Variants in SMARCA4 observed in about 807,000 individuals in gnomAD.
SMARCA4 encodes SWI/SNF-related matrix-associated actin-dependent regulator of chromatin subfamily A member 4.
Under a neutral mutation model 193.9 loss-of-function variants are expected in SMARCA4, and 31 were observed. That is an observed-to-expected ratio of 0.16 (90% CI 0.12 to 0.22). SMARCA4 has a LOEUF of 0.22. SMARCA4 is among the 10% of genes least tolerant of loss of function. The pLI is 1.00. For synonymous variants in SMARCA4, 942 were observed against 933.1 expected (o/e 1.01, Z -0.17); for missense variants, 1,148 against 2,296.0 (o/e 0.50, Z 10.22).
intron 13 of SMARCA4, 119 bp from the exon 14 acceptor site, chr19:11,007,783 G>A: frequency 1.1e-6 from 1 of 925,424 alleles, no homozygotes; most frequent in Admixed American, 1.7e-5. Flanking sequence ...TTCCAGGATA[G>A]GTAGAGGGGG....
rs1864896196 is a variant in SMARCA4 at position 11,003,020 on chromosome 19, CTTT to C, written c.1813-6_1813-4del. On this transcript the variant is annotated splice_region_variant and splice_polypyrimidine_tract_variant and intron_variant, in intron 11 of 34. Coordinates refer to ENST00000344626, the MANE Select transcript of SMARCA4 (RefSeq NM_003072.5). ...CAACCTCAGTGTCACACGAATGACT[CTTT>C]TTCAGCCTCTGGACGAGACCAGCCA... 2 of 1,613,904 alleles carry C rather than the reference CTTT, an allele frequency of 1.2e-6. No homozygotes were observed. The highest frequency in any genetic ancestry group is 1.3e-5 in the African/African-American group (1 of 74,906).
At chr19:10,976,464 C>T (rs998909459) in intron 1 of SMARCA4, among the ~76,000 whole-genome samples, 1 of 152,072 alleles carries the variant, frequency 6.6e-6, no homozygotes, top group African/African-American at 2.4e-5. Flanking sequence ...GGGTCAGGCA[C>T]TGTGGCTTGG....
chr19:10,982,115 G>A (rs1262085898), intron 1 of SMARCA4, among the ~76,000 whole-genome samples: 5 of 152,202 alleles, frequency 3.3e-5, no homozygotes, highest in Non-Finnish European at 7.4e-5. Context: ...AAGGCGGGTG[G>A]ATCACCTGAA....
At chr19:10,977,326 T>C (rs2085220482) in intron 1 of SMARCA4, among the ~76,000 whole-genome samples, 1 of 151,994 alleles carries the variant, frequency 6.6e-6, no homozygotes, top group Non-Finnish European at 1.5e-5. Flanking sequence ...TTTTTTGTTT[T>C]GTTTTTGTTT....
intron 16 of SMARCA4, 126 bp downstream of exon 16, chr19:11,013,238 G>T (rs905193314): frequency 1.0e-5 from 11 of 1,066,618 alleles, no homozygotes; most frequent in Non-Finnish European, 1.4e-5. Flanking sequence ...TTTCCTGGAG[G>T]CCAGAAGTCC....
rs759719942 is a variant in SMARCA4, at chr19:11,027,754, G to GCC, written c.3216-29_3216-28dup. 3.1e-6 allele frequency: 5 copies of GCC among 1,613,420 alleles called. No homozygotes were observed. The South Asian group carries it at 4.4e-5, about 14-fold the overall frequency. ...CAGGGTTCCAGGTTTAACATCCTGC[G>GCC]CCTTCTCTCCTGCCTCCTCCACACT... On this transcript the variant is annotated intron_variant, in intron 23 of 34. Coordinates refer to ENST00000344626, the MANE Select transcript of SMARCA4 (RefSeq NM_003072.5).
Position 11,003,145 on chromosome 19 carries a change from C to G in SMARCA4, c.1929C>G (p.Leu643=), listed in dbSNP as rs1415322316. The change falls in exon 12 of 35, where the codon CTC becomes CTG. Residue 643 remains leucine, a synonymous_variant. Transcript: ENST00000344626. ...APKAGQLEAW[L]EMNPGYEVAP... ...AAGCCGGGCAGCTGGAGGCCTGGCT[C>G]GAGATGAACCCGGGGTGAGTTGGGC... 6.2e-7 allele frequency: 1 copy of G among 1,614,072 alleles called. No individual in the cohort carries two copies. The highest frequency in any genetic ancestry group is 8.5e-7 in the Non-Finnish European group (1 of 1,180,022).
At chr19:11,061,333 C>T (rs1252682183) in intron 34 of SMARCA4, among the ~76,000 whole-genome samples, 1 of 148,812 alleles carries the variant, frequency 6.7e-6, no homozygotes, top group East Asian at 2.0e-4. Context: ...TGACATGGGA[C>T]AGAGCAGGGA....
Position 11,021,804 on chromosome 19 carries a change from C to A in SMARCA4, c.2696C>A (p.Thr899Lys). 1 of 1,613,774 alleles carries A rather than the reference C, an allele frequency of 6.2e-7. No individual in the cohort carries two copies. Among genetic ancestry groups the A allele is most frequent in the Non-Finnish European group, 8.5e-7 (1 of 1,180,016 alleles). Residue 899 changes from threonine (T) to lysine (K), a missense_variant, in exon 19 of 35, where the codon ACG becomes AAG. Around this residue, in one of 17 missense-constraint regions of SMARCA4, gnomAD observed 74 missense variants for 392.3 expected, o/e 0.19. Coordinates refer to ENST00000344626, the MANE Select transcript of SMARCA4 (RefSeq NM_003072.5). Reference sequence around the variant, plus strand: ...TGCAAGCTGACGCAGGTGCTCAACACGCACTATGTGGCACCCCGCCGCCTG... The same window carrying A: ...TGCAAGCTGACGCAGGTGCTCAACAAGCACTATGTGGCACCCCGCCGCCTG... The part of the protein sequence containing the change: ...HHCKLTQVLN[T>K]HYVAPRRLLL...
chr19:10,965,425 C>T (rs964761229), intron 1 of SMARCA4: 4 of 152,264 alleles, frequency 2.6e-5, no homozygotes, highest in African/African-American at 9.6e-5. Flanking sequence ...ATTCCTGCAA[C>T]AGCCTGGTGG....
intron 1 of SMARCA4, among the ~76,000 whole-genome samples, chr19:10,966,300 C>T (rs1182373117): frequency 6.6e-6 from 1 of 152,020 alleles, no homozygotes; most frequent in Non-Finnish European, 1.5e-5. Context: ...TTAAAAATAT[C>T]AAATGTTCAG....
In SMARCA4 at chr19:10,987,732, G is replaced by T. The variant is rs762999710; in HGVS notation, c.926G>T (p.Gly309Val). The T allele has an allele frequency of 3.7e-6, 6 of 1,607,656 alleles. No individual in the cohort carries two copies. The highest frequency in any genetic ancestry group is 5.1e-6 in the Non-Finnish European group (6 of 1,176,908). The change falls in exon 6 of 35, where the codon GGC becomes GTC. Residue 309 changes from glycine (G) to valine (V), a missense_variant. By Grantham distance (109) the Gly-to-Val change is moderately radical (BLOSUM62 -3). Transcript: ENST00000344626. This position sits in a 1 kb window ranked among gnomAD's most constrained non-coding sequence, Gnocchi z 5.3. ...PQKLIPPQPT[G>V]RPSPAPPAVP... ...AAGCTGATTCCCCCGCAGCCAACGG[G>T]CCGCCCTTCCCCCGCGCCCCCTGCC...
chr19:11,027,756 C>T, intron 23 of SMARCA4, 28 bp from the exon 24 acceptor site: 2 of 1,613,658 alleles, frequency 1.2e-6, no homozygotes, highest in Non-Finnish European at 8.5e-7. Flanking sequence ...CATCCTGCGC[C>T]TTCTCTCCTG....
At chr19:11,016,658 T>C (rs1724620008) in intron 16 of SMARCA4, among the ~76,000 whole-genome samples, 1 of 152,188 alleles carries the variant, frequency 6.6e-6, no homozygotes, top group Non-Finnish European at 1.5e-5. Context: ...TATTCAGTCA[T>C]TTGTTAATAT....
At position 11,000,775 on chromosome 19, in the gene SMARCA4, G is replaced by A. The variant is rs552688517; in HGVS notation, c.1813-2254G>A. ...GCTTCTGTAGTCCCAGCTACTGGGAGGCTGAGGCAGGAGAATCACTTAAAC... is the reference window on the plus strand; with the variant it reads ...GCTTCTGTAGTCCCAGCTACTGGGAAGCTGAGGCAGGAGAATCACTTAAAC... On this transcript the variant is annotated intron_variant, in intron 11 of 34. Coordinates refer to ENST00000344626, the MANE Select transcript of SMARCA4 (RefSeq NM_003072.5). Among the ~76,000 whole-genome samples, 38 of 151,816 alleles carry A rather than the reference G, an allele frequency of 2.5e-4. 2 individuals carry two copies. The South Asian group carries it at 7.9e-3, about 32-fold the overall frequency.
intron 15 of SMARCA4, 123 bp downstream of exon 15, chr19:11,010,654 C>T: frequency 2.2e-6 from 2 of 909,212 alleles, no homozygotes; most frequent in Non-Finnish European, 3.6e-6. Flanking sequence ...GGGCAATGCA[C>T]TCTTCCCCTC....
rs2075076183 is a variant in SMARCA4 at position 11,033,609 on chromosome 19, T to C, written c.3774+92T>C. 19 of 966,076 alleles carry C rather than the reference T, an allele frequency of 2.0e-5. 1 individual carries two copies. In the South Asian group the frequency reaches 2.5e-4, roughly 13 times the overall value. The allele number at this position is 966,076 out of a possible 1,614,324, so 59.8% of individuals were successfully genotyped here. On this transcript the variant is annotated intron_variant, in intron 26 of 34. Coordinates refer to ENST00000344626, the MANE Select transcript of SMARCA4 (RefSeq NM_003072.5). The surrounding 1 kb of genome is among the most constrained non-coding windows in gnomAD (Gnocchi z 9.8). ...TTGTTTTTTTACCTTTTTTGCACTC[T>C]TATTTTTTTTGCATCCCTTTGGAGT...
At chr19:10,974,689 A>ATTTTTTTTT (rs74182450) in intron 1 of SMARCA4, among the ~76,000 whole-genome samples, 1 of 37,170 alleles carries the variant, frequency 2.7e-5, no homozygotes, top group Non-Finnish European at 4.1e-5. Flanking sequence ...ATATATATAT[A>ATTTTTTTTT]TTTTTTTTTT....
Position 11,019,050 on chromosome 19 carries a change from C to T in SMARCA4, c.2505+27C>T. On this transcript the variant is annotated intron_variant, in intron 17 of 34. Coordinates refer to ENST00000344626, the MANE Select transcript of SMARCA4 (RefSeq NM_003072.5). This position sits in a 1 kb window ranked among gnomAD's most constrained non-coding sequence, Gnocchi z 6.1. The stretch of plus-strand genomic sequence containing the variant: ...TAGGTCACAGCCACTGAGGTTTCCT[C>T]TCTTGCTACGGAGGTGCAGGCGGTG... The T allele has an allele frequency of 3.1e-6, 5 of 1,588,246 alleles. No homozygotes were observed. The highest frequency in any genetic ancestry group is 1.1e-5 in the South Asian group (1 of 90,604).
Sources: allele counts gnomAD v4.1 joint callset (sites outside exome capture counted in the v4.1 genomes callset), GRCh38; gene constraint gnomAD v4.1.1; regional missense constraint gnomAD v4.1.1; non-coding constraint Gnocchi (gnomAD v3.1); transcripts MANE v1.5; gene names NCBI Gene and HGNC (gene_info 2026-07-23, HGNC 2026-07-21).